IQCN: variants seen among roughly 807,000 people sequenced by gnomAD.
IQCN encodes the protein IQ domain-containing protein N.
Under a neutral mutation model 64.4 loss-of-function variants are expected in IQCN, and 46 were observed. The ratio of observed to expected loss-of-function variants is 0.71; its 90% CI spans 0.56 to 0.91. IQCN has a LOEUF of 0.91. Ranked by LOEUF, IQCN falls within the 40% of genes least tolerant of loss-of-function variation. The pLI is 0.00. For missense variants in IQCN, 1,753 were observed against 1,857.4 expected, an observed-to-expected ratio of 0.94 and a Z score of 1.03; for synonymous variants, 733 against 775.6, an observed-to-expected ratio of 0.95 and a Z score of 0.91.
Position 18,269,600 on chromosome 19 carries a change from C to A in IQCN, c.-109-13G>T. ...ACACTGCCCTGGGCTGGCTCAAGACCAACACAAAAAGAAATGTTAAAAGCA... is the reference window on the plus strand; with the variant it reads ...ACACTGCCCTGGGCTGGCTCAAGACAAACACAAAAAGAAATGTTAAAAGCA... On this transcript the variant is annotated splice_polypyrimidine_tract_variant and intron_variant, in intron 1 of 3. Transcript: ENST00000392413. The A allele has an allele frequency of 1.4e-6, 1 of 728,058 alleles. No individual in the cohort carries two copies. Among genetic ancestry groups the A allele is most frequent in the Non-Finnish European group, 2.1e-6 (1 of 472,168 alleles). 45.1% of individuals were successfully genotyped at this position (728,058 alleles called of 1,614,324 possible). A position where few individuals can be genotyped will look rare whatever the true frequency, so the allele number is the denominator to read the frequency against.
chr19:18,258,868 CA>C (rs1232358099), intron 3 of IQCN: 21 of 174,214 alleles, frequency 1.2e-4, no homozygotes, highest in Non-Finnish European at 2.5e-5. Context: ...ATGCCACTAG[CA>C]TGGCTGGGAG....
In IQCN at chr19:18,265,631, C is replaced by G. The variant is rs1450968192; in HGVS notation, c.1909G>C (p.Val637Leu). ...EMAGAPSWTK[V>L]AEEGDKPPHV... Reference sequence around the variant, plus strand: ...GGTGGCTTGTCCCCTTCCTCAGCAACTTTTGTCCAGGATGGAGCCCCAGCC... The same window carrying G: ...GGTGGCTTGTCCCCTTCCTCAGCAAGTTTTGTCCAGGATGGAGCCCCAGCC... The change falls in exon 3 of 4, where the codon GTT (valine) becomes CTT (leucine). Residue 637 changes from valine (V) to leucine (L), a missense_variant. By Grantham distance (32) the Val-to-Leu change is conservative (BLOSUM62 1). Coordinates refer to ENST00000392413, the MANE Select transcript of IQCN (RefSeq NM_001145304.2). The surrounding 1 kb of genome is among the most constrained non-coding windows in gnomAD (Gnocchi z 4.7). The G allele has an allele frequency of 1.2e-6, 2 of 1,613,978 alleles. No homozygotes were observed. The highest frequency in any genetic ancestry group is 2.7e-5 in the African/African-American group (2 of 74,918).
rs1201824083 is a variant in IQCN, at chr19:18,257,402, G to A, written c.3882C>T (p.Pro1294=). The A allele has an allele frequency of 6.2e-7, 1 of 1,610,658 alleles. No homozygotes were observed. ...ASAYQLAALS[P]RQPHRQDKAA... ...CTTTGTCCTGGCGATGCGGCTGCCT[G>A]GGACTCAGGGCAGCCAGCTGGTAGG... Residue 1294 remains proline (P), a synonymous_variant, in exon 4 of 4, where the codon CCC becomes CCT. Transcript: ENST00000392413.
Position 18,264,473 on chromosome 19 carries a change from T to G in IQCN, c.3067A>C (p.Thr1023Pro). The change falls in exon 3 of 4, where the codon ACA becomes CCA. Residue 1023 changes from threonine (T) to proline (P), a missense_variant. By Grantham distance (38) the Thr-to-Pro change is conservative. Coordinates refer to ENST00000392413, the MANE Select transcript of IQCN (RefSeq NM_001145304.2). This position sits in a 1 kb window ranked among gnomAD's most constrained non-coding sequence, Gnocchi z 4.3. The stretch of plus-strand genomic sequence containing the variant: ...GGCGTCTTAGTCACCCCGCTTCCTG[T>G]TGATTTCGAGGCGGCCTTGGGGAGG... ...TILPKAASKS[T>P]GSGVTKTPAL... 1 of 1,551,406 alleles carries G rather than the reference T, an allele frequency of 6.4e-7. No individual in the cohort carries two copies. Among genetic ancestry groups the G allele is most frequent in the Non-Finnish European group, 8.7e-7 (1 of 1,146,912 alleles).
Position 18,267,489 on chromosome 19 carries a change from G to T in IQCN, c.51C>A (p.Ala17=). The stretch of plus-strand genomic sequence containing the variant: ...GCTCGTGAACTGTAGCTAGGCGGCC[G>T]GCTGCATTGCCTTGATTACCGGACA... ...ADLSGNQGNA[A]GRLATVHEPV... is the part of the protein sequence containing the mutation. The change falls in exon 3 of 4, where the codon GCC becomes GCA. Residue 17 remains alanine (A), a synonymous_variant. Transcript: ENST00000392413. 6.5e-7 allele frequency: 1 copy of T among 1,529,638 alleles called. No homozygotes were observed. Among genetic ancestry groups the T allele is most frequent in the Non-Finnish European group, 8.8e-7 (1 of 1,141,538 alleles). 94.8% of individuals were successfully genotyped at this position (1,529,638 alleles called of 1,614,324 possible). A position where few individuals can be genotyped will look rare whatever the true frequency, so the allele number is the denominator to read the frequency against.
At chr19:18,260,887 G>A (rs1244024582) in intron 3 of IQCN, 3 of 152,522 alleles carry the variant, frequency 2.0e-5, no homozygotes, top group African/African-American at 7.3e-5. Context: ...CCTGTGGCTT[G>A]AGACGGCTGG....
Position 18,264,611 on chromosome 19 carries a change from T to G in IQCN, c.2929A>C (p.Lys977Gln). 6.4e-7 allele frequency: 1 copy of G among 1,551,332 alleles called. No homozygotes were observed. The highest frequency in any genetic ancestry group is 1.2e-5 in the South Asian group (1 of 84,054). The change falls in exon 3 of 4, where the codon AAG becomes CAG. Residue 977 changes from lysine (K) to glutamine (Q), a missense_variant. Physicochemically the swap from Lys to Gln is moderately conservative, Grantham distance 53 (BLOSUM62 1). Coordinates refer to ENST00000392413, the MANE Select transcript of IQCN (RefSeq NM_001145304.2). The surrounding 1 kb of genome is among the most constrained non-coding windows in gnomAD (Gnocchi z 4.3). ...MQGKLAEVLSKALTEEEWVAL... is the reference protein window; with the variant it reads ...MQGKLAEVLSQALTEEEWVAL... ...ACCCACTCCTCCTCCGTCAAAGCCT[T>G]GCTAAGCACCTCGGCCAATTTACCC...
chr19:18,265,592 G>A lies in IQCN; in HGVS notation c.1948C>T (p.Pro650Ser). ...GGCAGGGTGACAGCCATGTCTACAG[G>A]CACATACACGTGAGGTGGCTTGTCC... ...EGDKPPHVYV[P>S]VDMAVTLPRG... The change falls in exon 3 of 4, where the codon CCT (proline) becomes TCT (serine). Residue 650 changes from proline to serine, a missense_variant. Pro to Ser is a moderately conservative substitution (Grantham distance 74, BLOSUM62 -1). Transcript: ENST00000392413. This position sits in a 1 kb window ranked among gnomAD's most constrained non-coding sequence, Gnocchi z 4.7. 6.2e-7 allele frequency: 1 copy of A among 1,613,616 alleles called. No homozygotes were observed. The highest frequency in any genetic ancestry group is 8.5e-7 in the Non-Finnish European group (1 of 1,179,746).
At position 18,265,748 on chromosome 19, in the gene IQCN, C is replaced by A. The variant is rs756116596; in HGVS notation, c.1792G>T (p.Glu598Ter). Residue 598 changes from glutamate to a stop codon, truncating the protein, a stop_gained, in exon 3 of 4, where the codon GAG becomes TAG. Coordinates refer to ENST00000392413, the MANE Select transcript of IQCN (RefSeq NM_001145304.2). LOFTEE classifies it high-confidence loss of function. This position sits in a 1 kb window ranked among gnomAD's most constrained non-coding sequence, Gnocchi z 4.7. Reference sequence around the variant, plus strand: ...ATTTTCTCGGCTTCCAAAGGAAGCTCAGCTGCAGCCCTGGGGACCCCAGTT... The same window carrying A: ...ATTTTCTCGGCTTCCAAAGGAAGCTAAGCTGCAGCCCTGGGGACCCCAGTT... ...PGTGVPRAAA[E>*]LPLEAEKIKT... The A allele has an allele frequency of 6.2e-7, 1 of 1,614,196 alleles. No homozygotes were observed. The highest frequency in any genetic ancestry group is 1.3e-5 in the African/African-American group (1 of 75,046).
At position 18,257,766 on chromosome 19, in the gene IQCN, T is replaced by C. The variant is rs1343049101; in HGVS notation, c.3518A>G (p.Tyr1173Cys). ...CCGGGCTTGGTCCCGGCGGGTGCTG[T>C]AGCCGCGCCAGGCAGACTGGATGGT... ...TTTIQSAWRG[Y>C]STRRDQARHW... Residue 1173 changes from tyrosine (Y) to cysteine (C), a missense_variant, in exon 4 of 4, where the codon TAC (tyrosine) becomes TGC (cysteine). Transcript: ENST00000392413. 6.2e-7 allele frequency: 1 copy of C among 1,610,808 alleles called. No individual in the cohort carries two copies. The highest frequency in any genetic ancestry group is 8.5e-7 in the Non-Finnish European group (1 of 1,178,970).
At position 18,265,115 on chromosome 19, in the gene IQCN, G is replaced by C; in HGVS notation, c.2425C>G (p.His809Asp). The C allele has an allele frequency of 1.2e-6, 2 of 1,604,554 alleles. No homozygotes were observed. Among genetic ancestry groups the C allele is most frequent in the Non-Finnish European group, 1.7e-6 (2 of 1,179,792 alleles). The change falls in exon 3 of 4, where the codon CAC becomes GAC. Residue 809 changes from histidine (H) to aspartate (D), a missense_variant. By Grantham distance (81) the His-to-Asp change is moderately conservative. Coordinates refer to ENST00000392413, the MANE Select transcript of IQCN (RefSeq NM_001145304.2). The surrounding 1 kb of genome is among the most constrained non-coding windows in gnomAD (Gnocchi z 4.7). ...GTGGTCTTCCCCGGCACGTGTCCGT[G>C]GGGCTGTGGCTGGGTCTGTCTGTCC... ...PEDRQTQPQP[H>D]GHVPGKTTQG...
At chr19:18,263,347 C>T (rs1969471937) in intron 3 of IQCN, among the ~76,000 whole-genome samples, 1 of 152,184 alleles carries the variant, frequency 6.6e-6, no homozygotes, top group Non-Finnish European at 1.5e-5. Context: ...GCCAGGTCAC[C>T]GTCTCGATCC....
rs757546830 is a variant in IQCN, at chr19:18,267,510, G to A, written c.30C>T (p.Ser10=). MTLQGRADL[S]GNQGNAAGRL... ...GGCCGGCTGCATTGCCTTGATTACC[G>A]GACAGGTCAGCTCTGCCTGTGGGGG... Residue 10 remains serine (S), a synonymous_variant, in exon 3 of 4, where the codon TCC becomes TCT. Coordinates refer to ENST00000392413, the MANE Select transcript of IQCN (RefSeq NM_001145304.2). 8 of 1,526,248 alleles carry A rather than the reference G, an allele frequency of 5.2e-6. No homozygotes were observed. Among genetic ancestry groups the A allele is most frequent in the Middle Eastern group, 1.8e-4 (1 of 5,610 alleles). 94.5% of individuals were successfully genotyped at this position (1,526,248 alleles called of 1,614,324 possible). A position where few individuals can be genotyped will look rare whatever the true frequency, so the allele number is the denominator to read the frequency against.
At chr19:18,272,680 G>C (rs185209817) in intron 1 of IQCN, among the ~76,000 whole-genome samples, 1 of 148,106 alleles carries the variant, frequency 6.8e-6, no homozygotes, top group African/African-American at 2.5e-5. Context: ...GCACCATCTC[G>C]GCTCACTGCA....
chr19:18,257,246 T>G lies in IQCN; in HGVS notation c.4038A>C (p.Thr1346=). 2.5e-6 allele frequency: 4 copies of G among 1,613,760 alleles called. No individual in the cohort carries two copies. Among genetic ancestry groups the G allele is most frequent in the Non-Finnish European group, 3.4e-6 (4 of 1,180,032 alleles). Reference sequence around the variant, plus strand: ...GGTCTGCTGGTCCCAAGAGCGCCTCTGTGTTCTTCAGACAGCTCCGGGTAT... The same window carrying G: ...GGTCTGCTGGTCCCAAGAGCGCCTCGGTGTTCTTCAGACAGCTCCGGGTAT... The part of the protein sequence containing the change: ...GHHTRSCLKN[T]EALLGPADPS... The change falls in exon 4 of 4, where the codon ACA becomes ACC. Residue 1346 remains threonine (T), a synonymous_variant. Coordinates refer to ENST00000392413, the MANE Select transcript of IQCN (RefSeq NM_001145304.2).
In IQCN at chr19:18,265,807, C is replaced by T; in HGVS notation, c.1733G>A (p.Gly578Glu). The change falls in exon 3 of 4, where the codon GGG (glycine) becomes GAG (glutamate). Residue 578 changes from glycine (G) to glutamate (E), a missense_variant. Coordinates refer to ENST00000392413, the MANE Select transcript of IQCN (RefSeq NM_001145304.2). This position sits in a 1 kb window ranked among gnomAD's most constrained non-coding sequence, Gnocchi z 4.7. ...KASSPSYLAE[G>E]KIRCLAQPHP... is the part of the protein sequence containing the mutation. ...TGGTTGAGCCAGGCACCTGATCTTC[C>T]CCTCAGCCAAATAGGAGGGGGATGA... 6.2e-7 allele frequency: 1 copy of T among 1,614,168 alleles called. No individual in the cohort carries two copies. The highest frequency in any genetic ancestry group is 8.5e-7 in the Non-Finnish European group (1 of 1,180,038).
Position 18,266,459 on chromosome 19 carries a change from T to G in IQCN, c.1081A>C (p.Thr361Pro). Residue 361 changes from threonine to proline, a missense_variant, in exon 3 of 4, where the codon ACC becomes CCC. Thr to Pro is a conservative substitution (Grantham distance 38, BLOSUM62 -1). Transcript: ENST00000392413. The surrounding 1 kb of genome is among the most constrained non-coding windows in gnomAD (Gnocchi z 4.3). ...ACTGGGCTAGTCTTGGGTGGGGTGGTGGTCATCGTGGACGCTGGATATGTC... is the reference window on the plus strand; with the variant it reads ...ACTGGGCTAGTCTTGGGTGGGGTGGGGGTCATCGTGGACGCTGGATATGTC... ...PQTYPASTMT[T>P]TPPKTSPVPK... The G allele has an allele frequency of 6.3e-7, 1 of 1,583,668 alleles. No individual in the cohort carries two copies. The highest frequency in any genetic ancestry group is 1.2e-5 in the South Asian group (1 of 85,984).
In IQCN at chr19:18,265,023, G is replaced by A. The variant is rs145327476; in HGVS notation, c.2517C>T (p.Thr839=). Reference sequence around the variant, plus strand: ...ACTCAACGTTGCATGTGGAATGGCCGGTGGGTGCCATCGGCGGCACCAGCA... The same window carrying A: ...ACTCAACGTTGCATGTGGAATGGCCAGTGGGTGCCATCGGCGGCACCAGCA... ...QGMLVPPMAP[T]GHSTCNVESW... is the part of the protein sequence containing the mutation. The change falls in exon 3 of 4, where the codon ACC becomes ACT. Residue 839 remains threonine, a synonymous_variant. Transcript: ENST00000392413. This position sits in a 1 kb window ranked among gnomAD's most constrained non-coding sequence, Gnocchi z 4.7. The A allele has an allele frequency of 2.7e-5, 43 of 1,602,958 alleles. No individual in the cohort carries two copies. Among genetic ancestry groups the A allele is most frequent in the Middle Eastern group, 3.3e-4 (2 of 6,062 alleles).
In IQCN at chr19:18,264,592, T is replaced by C. The variant is rs1242522551; in HGVS notation, c.2948A>G (p.Glu983Gly). 2.6e-6 allele frequency: 4 copies of C among 1,550,864 alleles called. No homozygotes were observed. Among genetic ancestry groups the C allele is most frequent in the Non-Finnish European group, 3.5e-6 (4 of 1,146,838 alleles). Residue 983 changes from glutamate (E) to glycine (G), a missense_variant, in exon 3 of 4, where the codon GAG becomes GGG. Transcript: ENST00000392413. This position sits in a 1 kb window ranked among gnomAD's most constrained non-coding sequence, Gnocchi z 4.3. ...CAGGGCCTGGCTCAGAGCCACCCAC[T>C]CCTCCTCCGTCAAAGCCTTGCTAAG... ...EVLSKALTEE[E>G]WVALSQALCQ...
Sources: allele counts gnomAD v4.1 joint callset (sites outside exome capture counted in the v4.1 genomes callset), GRCh38; gene constraint gnomAD v4.1.1; non-coding constraint Gnocchi (gnomAD v3.1); transcripts MANE v1.5; gene names NCBI Gene and HGNC (gene_info 2026-07-23, HGNC 2026-07-21).